GABRA2: variants seen among roughly 807,000 people sequenced by gnomAD.
GABRA2 encodes the protein gamma-aminobutyric acid receptor subunit alpha-2.
GABRA2 carries 16 observed loss-of-function variants against 48.7 expected under a neutral mutation model. That is an observed-to-expected ratio of 0.33 (90% CI 0.22 to 0.50). The LOEUF (loss-of-function observed/expected upper bound fraction) is 0.50, where lower values mean the gene tolerates loss of function less well. Ranked by LOEUF, GABRA2 falls within the 20% of genes least tolerant of loss-of-function variation. The pLI is 0.98. For missense variants in GABRA2, 275 were observed against 535.6 expected (o/e 0.51, Z 4.80); for synonymous variants, 185 against 184.5 (o/e 1.00, Z -0.02).
chr4:46,321,771 A>C (rs1240615234), intron 4 of GABRA2, among the ~76,000 whole-genome samples: 1 of 152,018 alleles, frequency 6.6e-6, no homozygotes, highest in East Asian at 1.9e-4. Context: ...TCTGGCATAA[A>C]TCATCTTCAA....
chr4:46,360,381 A>C (rs1367437115), intron 3 of GABRA2, among the ~76,000 whole-genome samples: 1 of 152,198 alleles, frequency 6.6e-6, no homozygotes, highest in East Asian at 1.9e-4. Flanking sequence ...ATAGTGAATA[A>C]GTGTCAAGAG....
intron 8 of GABRA2, among the ~76,000 whole-genome samples, chr4:46,262,961 AGAG>A: frequency 3.7e-5 from 1 of 26,916 alleles, no homozygotes; most frequent in Non-Finnish European, 7.4e-5. Flanking sequence ...AAAGAAAGAG[AGAG>A]AGAGAGAGAG....
At chr4:46,330,587 T>TAGAGAGAGAGAGAGAGAGAG (rs1425282470) in intron 4 of GABRA2, among the ~76,000 whole-genome samples, 2 of 123,520 alleles carry the variant, frequency 1.6e-5, no homozygotes, top group East Asian at 3.0e-4. Flanking sequence ...TATATATATA[T>TAGAGAGAGAGAGAGAGAGAG]ATATAGAGAG....
chr4:46,293,020 G>C (rs1045166142), intron 8 of GABRA2, among the ~76,000 whole-genome samples: 3 of 152,146 alleles, frequency 2.0e-5, no homozygotes, highest in African/African-American at 7.2e-5. Flanking sequence ...CAAGGTGGGT[G>C]GAGCTACTGT....
At chr4:46,320,556 A>G (rs1269371734) in intron 4 of GABRA2, among the ~76,000 whole-genome samples, 1 of 152,008 alleles carries the variant, frequency 6.6e-6, no homozygotes, top group African/African-American at 2.4e-5. Flanking sequence ...ATTAATATCC[A>G]AAATACATAA....
chr4:46,330,563 C>CATATATAT (rs71955894), intron 4 of GABRA2, among the ~76,000 whole-genome samples: 1 of 128,364 alleles, frequency 7.8e-6, no homozygotes, highest in Non-Finnish European at 1.6e-5. Flanking sequence ...TGTATATATG[C>CATATATAT]ATATATATAT....
intron 3 of GABRA2, among the ~76,000 whole-genome samples, chr4:46,337,817 A>C (rs1040740284): frequency 6.6e-6 from 1 of 152,012 alleles, no homozygotes; most frequent in African/African-American, 2.4e-5. Context: ...GACATAAAAC[A>C]AATGAAGAGG....
intron 4 of GABRA2, among the ~76,000 whole-genome samples, chr4:46,322,473 T>A (rs969677124): frequency 1.3e-5 from 2 of 151,854 alleles, no homozygotes; most frequent in Non-Finnish European, 2.9e-5. Flanking sequence ...CCCCAACACA[T>A]GCACCCCTCT....
At chr4:46,353,921 T>C (rs1735558160) in intron 3 of GABRA2, among the ~76,000 whole-genome samples, 1 of 152,124 alleles carries the variant, frequency 6.6e-6, no homozygotes, top group African/African-American at 2.4e-5. Flanking sequence ...AAGATGTAAA[T>C]TCACAGGGGC....
intron 8 of GABRA2, among the ~76,000 whole-genome samples, chr4:46,267,119 C>T (rs552174): frequency 0.62 from 94,730 of 151,852 alleles, 30,185 homozygotes; most frequent in South Asian, 0.76. Flanking sequence ...ACAGGTCTCA[C>T]AGACTTTGAT....
chr4:46,380,318 C>A (rs1716587822), intron 3 of GABRA2, among the ~76,000 whole-genome samples: 1 of 152,146 alleles, frequency 6.6e-6, no homozygotes, highest in Non-Finnish European at 1.5e-5. Context: ...TGTGCCCACA[C>A]AATAAGACTG....
At chr4:46,321,274 T>C (rs931744653) in intron 4 of GABRA2, among the ~76,000 whole-genome samples, 2 of 151,746 alleles carry the variant, frequency 1.3e-5, no homozygotes, top group African/African-American at 4.8e-5. Flanking sequence ...AATCAAAGGG[T>C]ATAAAGCTTA....
chr4:46,338,084 G>A (rs912012434), intron 3 of GABRA2, among the ~76,000 whole-genome samples: 20 of 151,656 alleles, frequency 1.3e-4, no homozygotes, highest in Admixed American at 3.9e-4. Context: ...CTCCTCCACC[G>A]TAGACACACA....
chr4:46,315,659 C>T (rs1728423212), intron 4 of GABRA2, among the ~76,000 whole-genome samples: 1 of 151,956 alleles, frequency 6.6e-6, no homozygotes, highest in African/African-American at 2.4e-5. Context: ...TATACATTTG[C>T]TTCTTTGCCT....
chr4:46,342,495 C>A (rs774470141), intron 3 of GABRA2, among the ~76,000 whole-genome samples: 44 of 152,036 alleles, frequency 2.9e-4, no homozygotes, highest in Non-Finnish European at 5.4e-4. Flanking sequence ...ATAACCATAG[C>A]CTGTTACTTT....
chr4:46,384,681 G>A (rs1227806189), intron 3 of GABRA2, among the ~76,000 whole-genome samples: 1 of 152,146 alleles, frequency 6.6e-6, no homozygotes, highest in Non-Finnish European at 1.5e-5. Flanking sequence ...CTTAAACCAC[G>A]ATTGTGAATT....
At chr4:46,358,336 T>C (rs979605946) in intron 3 of GABRA2, among the ~76,000 whole-genome samples, 9 of 152,226 alleles carry the variant, frequency 5.9e-5, no homozygotes, top group African/African-American at 2.2e-4. Context: ...GAGGATACTG[T>C]TATTTAACCT....
At chr4:46,364,589 G>C (rs1204288239) in intron 3 of GABRA2, 2 of 152,170 alleles carry the variant, frequency 1.3e-5, no homozygotes, top group African/African-American at 4.8e-5. Context: ...TCCAAATCTA[G>C]TTCCTTGCAG....
chr4:46,355,325 T>A (rs1735789016), intron 3 of GABRA2, among the ~76,000 whole-genome samples: 1 of 152,202 alleles, frequency 6.6e-6, no homozygotes, highest in Admixed American at 6.6e-5. Flanking sequence ...TATATTTTTT[T>A]AGAATTAAAC....
Sources: allele counts gnomAD v4.1 joint callset (sites outside exome capture counted in the v4.1 genomes callset), GRCh38; gene constraint gnomAD v4.1.1; transcripts MANE v1.5; gene names NCBI Gene and HGNC (gene_info 2026-07-23, HGNC 2026-07-21).